Variants in ITIH1 observed in about 807,000 individuals in gnomAD.
ITIH1 encodes the protein inter-alpha-trypsin inhibitor heavy chain H1.
A neutral mutation model predicts 104.6 loss-of-function variants in ITIH1; 94 were observed. The ratio of observed to expected loss-of-function variants is 0.90; its 90% CI spans 0.76 to 1.07. The LOEUF (loss-of-function observed/expected upper bound fraction) is 1.07, where lower values mean the gene tolerates loss of function less well. Among genes scored for constraint, ITIH1 ranks in the 50% least tolerant of loss-of-function variants. The pLI is 0.00. For synonymous variants in ITIH1, 455 were observed against 464.4 expected (o/e 0.98, Z 0.26); for missense variants, 1,193 against 1,181.4 (o/e 1.01, Z -0.14).
intron 6 of ITIH1, 60 bp downstream of exon 6, chr3:52,780,442 C>A: frequency 8.5e-7 from 1 of 1,175,256 alleles, no homozygotes; most frequent in Non-Finnish European, 1.2e-6. Flanking sequence ...GCCTGCCCAC[C>A]CCTTATGGAA....
chr3:52,791,878 C>T lies in ITIH1; in HGVS notation c.2703C>T (p.Ala901=). 6.2e-7 allele frequency: 1 copy of T among 1,614,048 alleles called. No individual in the cohort carries two copies. The highest frequency in any genetic ancestry group is 1.1e-5 in the South Asian group (1 of 91,070). The change falls in exon 22 of 22, where the codon GCC becomes GCT. Residue 901 remains alanine (A), a synonymous_variant. Coordinates refer to ENST00000273283, the MANE Select transcript of ITIH1 (RefSeq NM_002215.4). ...HNNGAGLIDG[A]YTDYIVPDIF is the part of the protein sequence containing the mutation. ...ATGGGGCTGGACTCATCGATGGTGC[C>T]TACACTGATTATATCGTCCCCGACA...
chr3:52,786,734 C>T (rs1466095456), intron 13 of ITIH1, among the ~76,000 whole-genome samples: 1 of 152,198 alleles, frequency 6.6e-6, no homozygotes, highest in East Asian at 1.9e-4. Flanking sequence ...TGCCCCTCAA[C>T]CCCACCGAAT....
chr3:52,787,694 T>A (rs1476205029), intron 16 of ITIH1, 82 bp downstream of exon 16: 4 of 1,424,212 alleles, frequency 2.8e-6, no homozygotes, highest in Non-Finnish European at 4.0e-6. Flanking sequence ...CCGTTCTAGC[T>A]GTCTTCACTG....
chr3:52,790,911 C>G lies in ITIH1; in HGVS notation c.2484C>G (p.His828Gln), dbSNP rs552589549. The G allele has an allele frequency of 6.2e-7, 1 of 1,602,084 alleles. No homozygotes were observed. Among genetic ancestry groups the G allele is most frequent in the South Asian group, 1.1e-5 (1 of 89,432 alleles). Residue 828 changes from histidine (H) to glutamine (Q), a missense_variant, in exon 20 of 22, where the codon CAC (histidine) becomes CAG (glutamine). His to Gln is a conservative substitution (Grantham distance 24). Coordinates refer to ENST00000273283, the MANE Select transcript of ITIH1 (RefSeq NM_002215.4). ...LDSHRMSARTHGLLGQFFHPI... is the reference protein window; with the variant it reads ...LDSHRMSARTQGLLGQFFHPI... ...GTCATCGGATGTCAGCCCGGACGCA[C>G]GGGCTGCTGGGTACGGCTGGCCAGG...
chr3:52,785,381 AACATCCCTCC>A, intron 12 of ITIH1, 152 bp downstream of exon 12: 1 of 711,606 alleles, frequency 1.4e-6, no homozygotes, highest in South Asian at 2.3e-5. Flanking sequence ...CCCAGGCCTG[AACATCCCTCC>A]ACACAGGCAT....
chr3:52,781,763 C>T (rs539653920), intron 6 of ITIH1, among the ~76,000 whole-genome samples, 177 bp from the exon 7 acceptor site: 52 of 152,128 alleles, frequency 3.4e-4, no homozygotes, highest in Non-Finnish European at 7.1e-4. Context: ...GTCATCTCTC[C>T]CACCACCTAC....
rs1698993941 is a variant in ITIH1, at chr3:52,779,968, A to G, written c.574-301A>G. On this transcript the variant is annotated intron_variant, in intron 5 of 21. Coordinates refer to ENST00000273283, the MANE Select transcript of ITIH1 (RefSeq NM_002215.4). This position sits in a 1 kb window ranked among gnomAD's most constrained non-coding sequence, Gnocchi z 4.4. The stretch of plus-strand genomic sequence containing the variant: ...GGTGGCTGAGTTGAGGGATGCAGGC[A>G]TGTACACCTTCATTTGGTCAGTATT... 7.2e-7 allele frequency: 1 copy of G among 1,388,214 alleles called. No homozygotes were observed. The highest frequency in any genetic ancestry group is 9.3e-7 in the Non-Finnish European group (1 of 1,072,140). The allele number at this position is 1,388,214 out of a possible 1,614,324, so 86.0% of individuals were successfully genotyped here. A position where few individuals can be genotyped will look rare whatever the true frequency, so the allele number is the denominator to read the frequency against.
At chr3:52,787,913 T>C in intron 16 of ITIH1, 73 bp from the exon 17 acceptor site, 1 of 1,410,754 alleles carries the variant, frequency 7.1e-7, no homozygotes. Flanking sequence ...GAGGAAAGAG[T>C]CATCAGAGGG....
At chr3:52,781,226 CT>C (rs1252069470) in intron 6 of ITIH1, among the ~76,000 whole-genome samples, 5 of 62,850 alleles carry the variant, frequency 8.0e-5, no homozygotes, top group Non-Finnish European at 1.6e-4. Context: ...TCTTCTTCTT[CT>C]TCTTCTTCTT....
At position 52,779,440 on chromosome 3, in the gene ITIH1, GGA is replaced by G. The variant is rs1698982817; in HGVS notation, c.422_423del (p.Arg141AsnfsTer24). 6.2e-7 allele frequency: 1 copy of G among 1,614,106 alleles called. No homozygotes were observed. The highest frequency in any genetic ancestry group is 1.3e-5 in the African/African-American group (1 of 74,920). On this transcript the variant is annotated frameshift_variant, in exon 5 of 22. Transcript: ENST00000273283. LOFTEE classifies it high-confidence loss of function. This position sits in a 1 kb window ranked among gnomAD's most constrained non-coding sequence, Gnocchi z 4.4. ...TCTGGTGGCACATCCAGGGCCTCGG[GGA>G]GAACTATGGAGCAATTCACCATCCA...
intron 3 of ITIH1, 96 bp from the exon 4 acceptor site, chr3:52,778,846 G>A: frequency 1.8e-6 from 2 of 1,108,908 alleles, no homozygotes; most frequent in African/African-American, 1.5e-5. Flanking sequence ...CTCGTCAGGA[G>A]ACGTCCTTAT....
rs191536436 is a variant in ITIH1, at chr3:52,788,197, T to C, written c.2006-35T>C. 7.1e-6 allele frequency: 11 copies of C among 1,552,448 alleles called. 1 individual carries two copies. In the Admixed American group the frequency reaches 8.7e-5, roughly 12 times the overall value. ...CCCCTGGCCAGCCCCATCTGCCCGA[T>C]GTCCAATCTAACGAATTCCATGCTG... On this transcript the variant is annotated intron_variant, in intron 17 of 21. Transcript: ENST00000273283.
rs764923477 is a variant in ITIH1, at chr3:52,785,222, C to T, written c.1586C>T (p.Ala529Val). 1.2e-6 allele frequency: 2 copies of T among 1,613,950 alleles called. No homozygotes were observed. Among genetic ancestry groups the T allele is most frequent in the African/African-American group, 1.3e-5 (1 of 75,024 alleles). The change falls in exon 12 of 22, where the codon GCC becomes GTC. Residue 529 changes from alanine (A) to valine (V), a missense_variant. Physicochemically the swap from Ala to Val is moderately conservative, Grantham distance 64. Transcript: ENST00000273283. ...KQSSFKADVQAHGEGQEFSIT... is the reference protein window; with the variant it reads ...KQSSFKADVQVHGEGQEFSIT... The stretch of plus-strand genomic sequence containing the variant: ...AGCAGCTTCAAGGCTGATGTGCAGG[C>T]CCATGGGGTAAATGGTGGGCCATGG...
chr3:52,781,205 T>TCTTCTTC (rs1559461176), intron 6 of ITIH1, among the ~76,000 whole-genome samples: 1 of 72,310 alleles, frequency 1.4e-5, no homozygotes, highest in African/African-American at 6.7e-5. Context: ...TTCTTTTTTT[T>TCTTCTTC]TTTTTCTTCT....
chr3:52,782,105 C>A (rs544513855), intron 7 of ITIH1, 40 bp downstream of exon 7: 1 of 1,614,124 alleles, frequency 6.2e-7, no homozygotes, highest in African/African-American at 1.3e-5. Flanking sequence ...AGAGGATGGG[C>A]AAGGGGTGCT....
chr3:52,791,640 G>A lies in ITIH1; in HGVS notation c.2606+12G>A. ...CTCACGGTCACCAGGTGGGTGGGCT[G>A]CTTGCCCAGCACGTCTGCCCTCGGC... On this transcript the variant is annotated intron_variant, in intron 21 of 21. Transcript: ENST00000273283. 1 of 1,611,086 alleles carries A rather than the reference G, an allele frequency of 6.2e-7. No homozygotes were observed. Among genetic ancestry groups the A allele is most frequent in the South Asian group, 1.1e-5 (1 of 91,016 alleles).
Position 52,779,290 on chromosome 3 carries a change from A to T in ITIH1, c.411-142A>T. 1 of 945,948 alleles carries T rather than the reference A, an allele frequency of 1.1e-6. No homozygotes were observed. The highest frequency in any genetic ancestry group is 1.6e-6 in the Non-Finnish European group (1 of 612,552). 58.6% of individuals were successfully genotyped at this position (945,948 alleles called of 1,614,324 possible). A position where few individuals can be genotyped will look rare whatever the true frequency, so the allele number is the denominator to read the frequency against. On this transcript the variant is annotated intron_variant, in intron 4 of 21. Coordinates refer to ENST00000273283, the MANE Select transcript of ITIH1 (RefSeq NM_002215.4). This position sits in a 1 kb window ranked among gnomAD's most constrained non-coding sequence, Gnocchi z 4.4. The stretch of plus-strand genomic sequence containing the variant: ...GGGCCCTGACCCTGACCAGCCAGCT[A>T]ACACATTTGTGAGGTCCAGGGAAAC...
At chr3:52,790,001 C>T (rs1199296518) in intron 19 of ITIH1, 147 bp downstream of exon 19, 1 of 734,008 alleles carries the variant, frequency 1.4e-6, no homozygotes, top group Non-Finnish European at 2.2e-6. Context: ...CCATGGCCCA[C>T]CCAGCCCTCC....
At chr3:52,787,248 G>C in intron 15 of ITIH1, 46 bp downstream of exon 15, 1 of 1,612,748 alleles carries the variant, frequency 6.2e-7, no homozygotes, top group African/African-American at 1.3e-5. Context: ...TTCGGTAGCT[G>C]GGCAGGTGGC....
Sources: gnomAD v4.1 joint callset for allele counts (sites outside exome capture counted in the v4.1 genomes callset) on GRCh38, gnomAD v4.1.1 for gene constraint, Gnocchi (gnomAD v3.1) non-coding constraint, MANE v1.5 for transcripts, NCBI Gene and HGNC (gene_info 2026-07-23, HGNC 2026-07-21) for gene names.